The following COG5 variants were observed in gnomAD, a reference collection of about 807,000 sequenced individuals.
COG5 encodes conserved oligomeric Golgi complex subunit 5.
In COG5, 86 loss-of-function variants were observed where a neutral mutation model predicts 110.4. That is an observed-to-expected ratio of 0.78 (90% CI 0.65 to 0.93). COG5 has a LOEUF of 0.93. COG5 is among the 40% of genes least tolerant of loss of function. The pLI is 0.00. For missense variants in COG5, 1,077 were observed against 987.0 expected (o/e 1.09, Z -1.22); for synonymous variants, 360 against 334.6 (o/e 1.08, Z -0.83).
chr7:107,261,793 A>C (rs1803374549), intron 14 of COG5, among the ~76,000 whole-genome samples: 2 of 151,696 alleles, frequency 1.3e-5, no homozygotes, highest in South Asian at 4.2e-4. Context: ...CAAGTATGCT[A>C]CTCTCAGGCT....
intron 6 of COG5, among the ~76,000 whole-genome samples, chr7:107,481,329 G>A (rs1427028764): frequency 2.6e-5 from 4 of 152,080 alleles, no homozygotes; most frequent in Non-Finnish European, 5.9e-5. Context: ...TCAGACAGCT[G>A]TGGACACATA....
In COG5 at chr7:107,203,409, A is replaced by G. The variant is rs1798502088; in HGVS notation, c.*107T>C. On this transcript the variant is annotated 3_prime_UTR_variant, in exon 22 of 22. Transcript: ENST00000297135. ...GTCGATAGGAAATACCGAACAATCA[A>G]TTACATTCTTAAAATAGTAGATAGT... 3 of 793,320 alleles carry G rather than the reference A, an allele frequency of 3.8e-6. No homozygotes were observed. The highest frequency in any genetic ancestry group is 2.8e-5 in the South Asian group (2 of 72,130). The allele number at this position is 793,320 out of a possible 1,614,324, so 49.1% of individuals were successfully genotyped here. A position where few individuals can be genotyped will look rare whatever the true frequency, so the allele number is the denominator to read the frequency against.
chr7:107,242,497 A>G (rs1268226043), intron 17 of COG5, among the ~76,000 whole-genome samples: 1 of 152,210 alleles, frequency 6.6e-6, no homozygotes, highest in Non-Finnish European at 1.5e-5. Context: ...CCCCAGCCAG[A>G]GCTATCAAGC....
At chr7:107,478,277 G>A (rs1484243372) in intron 6 of COG5, among the ~76,000 whole-genome samples, 1 of 151,854 alleles carries the variant, frequency 6.6e-6, no homozygotes, top group African/African-American at 2.4e-5. Context: ...TTATTGTGAA[G>A]GTAGAATTAT....
chr7:107,203,464 C>T lies in COG5; in HGVS notation c.*52G>A, dbSNP rs937117794. The stretch of plus-strand genomic sequence containing the variant: ...GTCTTTTGGAGTATGTGTTTAACTG[C>T]CAACTATGAATGGGTTAGCACAAAG... On this transcript the variant is annotated 3_prime_UTR_variant, in exon 22 of 22. Transcript: ENST00000297135. 4.1e-6 allele frequency: 5 copies of T among 1,226,484 alleles called. No individual in the cohort carries two copies. The highest frequency in any genetic ancestry group is 1.5e-5 in the African/African-American group (1 of 67,386). 76.0% of individuals were successfully genotyped at this position (1,226,484 alleles called of 1,614,324 possible). A position where few individuals can be genotyped will look rare whatever the true frequency, so the allele number is the denominator to read the frequency against.
In COG5 at chr7:107,248,622, G is replaced by A. The variant is rs189749371; in HGVS notation, c.1750-123C>T. Reference sequence around the variant, plus strand: ...TCATATTATATCAAATGCAGACTAAGTTAACAGAAGTCTGCTCCTCTCCCT... The same window carrying A: ...TCATATTATATCAAATGCAGACTAAATTAACAGAAGTCTGCTCCTCTCCCT... On this transcript the variant is annotated intron_variant, in intron 16 of 21. Coordinates refer to ENST00000297135, the MANE Select transcript of COG5 (RefSeq NM_006348.5). 1.5e-4 allele frequency: 105 copies of A among 700,450 alleles called. No homozygotes were observed. In the African/African-American group the frequency reaches 1.7e-3, roughly 11 times the overall value. 43.4% of individuals were successfully genotyped at this position (700,450 alleles called of 1,614,324 possible).
At chr7:107,412,356 G>A in intron 7 of COG5, 146 bp downstream of exon 7, 2 of 616,260 alleles carry the variant, frequency 3.2e-6, no homozygotes, top group South Asian at 2.1e-5. Flanking sequence ...CCTTAACGAT[G>A]ACCCATTCTT....
chr7:107,466,572 C>G (rs1224186438), intron 6 of COG5, among the ~76,000 whole-genome samples: 1 of 152,076 alleles, frequency 6.6e-6, no homozygotes, highest in East Asian at 1.9e-4. Flanking sequence ...GAAAATGAAT[C>G]ACCAATGTTG....
chr7:107,406,945 T>C (rs1791894769), intron 7 of COG5, among the ~76,000 whole-genome samples: 1 of 152,232 alleles, frequency 6.6e-6, no homozygotes, highest in Non-Finnish European at 1.5e-5. Context: ...AATTGCCATC[T>C]TTCTCACAAC....
intron 1 of COG5, among the ~76,000 whole-genome samples, chr7:107,560,196 C>T (rs906946476): frequency 6.6e-6 from 1 of 152,158 alleles, no homozygotes; most frequent in South Asian, 2.1e-4. Flanking sequence ...AGAGTATTTA[C>T]ACCATGGTAA....
chr7:107,311,085 T>C (rs1808192467), intron 11 of COG5, among the ~76,000 whole-genome samples: 2 of 152,202 alleles, frequency 1.3e-5, no homozygotes, highest in South Asian at 2.1e-4. Context: ...GCCCGGCGAA[T>C]GTCTGTTTAA....
intron 3 of COG5, among the ~76,000 whole-genome samples, chr7:107,549,867 C>G (rs1415360189): frequency 6.6e-6 from 1 of 152,004 alleles, no homozygotes; most frequent in African/African-American, 2.4e-5. Context: ...TCATTCAGTC[C>G]CAAAGTTTTA....
In COG5 at chr7:107,414,995, G is replaced by C. The variant is rs186962046; in HGVS notation, c.539-2363C>G. The stretch of plus-strand genomic sequence containing the variant: ...CCCGCCTCGGCCTCCCAAAATGCTG[G>C]GATTACAGGCGTGAGCCACCATGCC... On this transcript the variant is annotated intron_variant, in intron 6 of 21. Coordinates refer to ENST00000297135, the MANE Select transcript of COG5 (RefSeq NM_006348.5). 3.0e-3 allele frequency among the ~76,000 whole-genome samples: 459 copies of C among 151,706 alleles called. 5 individuals are homozygous for C. Among genetic ancestry groups the C allele is most frequent in the African/African-American group, 0.01 (431 of 41,398 alleles).
At chr7:107,219,988 TTAGG>T (rs575937532) in intron 19 of COG5, among the ~76,000 whole-genome samples, 1 of 152,104 alleles carries the variant, frequency 6.6e-6, no homozygotes, top group Non-Finnish European at 1.5e-5. Flanking sequence ...ATCCTATGAG[TTAGG>T]TACTATTACA....
At chr7:107,231,167 G>T (rs1427841801) in intron 18 of COG5, among the ~76,000 whole-genome samples, 1 of 152,096 alleles carries the variant, frequency 6.6e-6, no homozygotes, top group African/African-American at 2.4e-5. Flanking sequence ...ACTAGTTTGT[G>T]ACCCTGGATA....
chr7:107,283,142 G>A (rs529339133), intron 13 of COG5, among the ~76,000 whole-genome samples: 71 of 152,206 alleles, frequency 4.7e-4, no homozygotes, highest in Non-Finnish European at 9.3e-4. Context: ...TTAAAATAGC[G>A]AACACAAGCT....
intron 10 of COG5, among the ~76,000 whole-genome samples, chr7:107,329,373 A>G (rs992822603): frequency 2.7e-5 from 4 of 146,492 alleles, no homozygotes; most frequent in Non-Finnish European, 4.6e-5. Context: ...GATAATAATA[A>G]AAAGGTGGAT....
At chr7:107,293,563 C>G (rs2116879264) in intron 12 of COG5, among the ~76,000 whole-genome samples, 1 of 152,302 alleles carries the variant, frequency 6.6e-6, no homozygotes, top group Non-Finnish European at 1.5e-5. Flanking sequence ...AGGACCATTT[C>G]TGGACTCCAA....
intron 11 of COG5, among the ~76,000 whole-genome samples, chr7:107,312,652 G>A (rs1042670698): frequency 6.6e-6 from 1 of 152,174 alleles, no homozygotes; most frequent in African/African-American, 2.4e-5. Flanking sequence ...TCAGGCTTAA[G>A]TATGAGATAA....
Sources: gnomAD v4.1 joint callset for allele counts (sites outside exome capture counted in the v4.1 genomes callset) on GRCh38, gnomAD v4.1.1 for gene constraint, MANE v1.5 for transcripts, NCBI Gene and HGNC (gene_info 2026-07-23, HGNC 2026-07-21) for gene names.